The following TTN variants were observed in gnomAD, a reference collection of about 807,000 sequenced individuals.
TTN encodes the protein connectin.
In TTN, 1,525 loss-of-function variants were observed where a neutral mutation model predicts 3,223.0. The ratio of observed to expected loss-of-function variants is 0.47; its 90% CI spans 0.45 to 0.49. The LOEUF (loss-of-function observed/expected upper bound fraction) is 0.49, where lower values mean the gene tolerates loss of function less well. Among genes scored for constraint, TTN ranks in the 20% least tolerant of loss-of-function variants. TTN has a pLI of 0.00. For missense variants in TTN, 40,786 were observed against 43,424.0 expected, an observed-to-expected ratio of 0.94 and a Z score of 5.40; for synonymous variants, 14,094 against 15,161.0, an observed-to-expected ratio of 0.93 and a Z score of 5.17.
chr2:178,534,221 A>T lies in TTN; in HGVS notation c.102394T>A (p.Ser34132Thr), dbSNP rs876658098. The T allele has an allele frequency of 1.9e-6, 3 of 1,613,968 alleles. No homozygotes were observed. Among genetic ancestry groups the T allele is most frequent in the Non-Finnish European group, 2.5e-6 (3 of 1,179,862 alleles). Residue 34132 changes from serine (S) to threonine (T), a missense_variant, in exon 358 of 363, where the codon TCC (serine) becomes ACC (threonine). Transcript: ENST00000589042. Reference sequence around the variant, plus strand: ...CCAGAAACTGGGCCAATTTCAATGGATGCCACTTTAACTTTAGCAACACTC... The same window carrying T: ...CCAGAAACTGGGCCAATTTCAATGGTTGCCACTTTAACTTTAGCAACACTC... ...GVSVAKVKVA[S>T]IEIGPVSGQI...
chr2:178,701,097 T>C (rs2074888894), intron 111 of TTN, 23 bp downstream of exon 111: 1 of 1,606,674 alleles, frequency 6.2e-7, no homozygotes, highest in Non-Finnish European at 8.5e-7. Context: ...TATTTCGACA[T>C]CTAGGTAGAT....
rs181740561 is a variant in TTN, at chr2:178,648,692, G to A, written c.40057+556C>T. On this transcript the variant is annotated intron_variant, in intron 213 of 362. Transcript: ENST00000589042. Reference sequence around the variant, plus strand: ...CCCCAAGTGTTGGGATGACAGGCGTGAGCCACCACATCCGGCCTTATTTCC... The same window carrying A: ...CCCCAAGTGTTGGGATGACAGGCGTAAGCCACCACATCCGGCCTTATTTCC... Among the ~76,000 whole-genome samples the A allele has an allele frequency of 3.9e-5, 6 of 152,240 alleles. 1 individual carries two copies. The South Asian group carries it at 1.2e-3, about 32-fold the overall frequency.
At chr2:178,621,438 G>A in intron 245 of TTN, 37 bp downstream of exon 245, 1 of 1,607,226 alleles carries the variant, frequency 6.2e-7, no homozygotes, top group Admixed American at 1.7e-5. Flanking sequence ...AGTGTGAATT[G>A]TTAGAAATAA....
intron 17 of TTN, 51 bp from the exon 18 acceptor site, chr2:178,783,115 C>T: frequency 1.3e-6 from 2 of 1,597,288 alleles, no homozygotes; most frequent in Non-Finnish European, 1.7e-6. Context: ...ATTCATTAAT[C>T]ACTTCTGTTT....
chr2:178,723,010 A>C (rs2078684086), intron 75 of TTN, 36 bp downstream of exon 75: 1 of 1,604,222 alleles, frequency 6.2e-7, no homozygotes, highest in Non-Finnish European at 8.5e-7. Flanking sequence ...ATGTTAGAAG[A>C]ATGCAAATGA....
chr2:178,740,619 A>C lies in TTN; in HGVS notation c.12614T>G (p.Leu4205Ter). 6.2e-7 allele frequency: 1 copy of C among 1,613,890 alleles called. No individual in the cohort carries two copies. The highest frequency in any genetic ancestry group is 8.5e-7 in the Non-Finnish European group (1 of 1,179,822). ...NSLTVEPLKT[L>*]LAEPEGNYPQ... ...ATAATTCCCTTCAGGTTCAGCTAAT[A>C]AAGTTTTCAGAGGCTCAACTGTTAA... Residue 4205 changes from leucine (L) to a stop codon, truncating the protein, a stop_gained, in exon 48 of 363, where the codon TTA (leucine) becomes TGA (stop). Transcript: ENST00000589042. LOFTEE classifies it high-confidence loss of function.
Position 178,583,681 on chromosome 2 carries a change from G to C in TTN, c.65501C>G (p.Ala21834Gly). The C allele has an allele frequency of 6.2e-7, 1 of 1,612,380 alleles. No homozygotes were observed. Among genetic ancestry groups the C allele is most frequent in the Non-Finnish European group, 8.5e-7 (1 of 1,179,206 alleles). ...LEEKAQYQFRAIARTAVNISP... is the reference protein window; with the variant it reads ...LEEKAQYQFRGIARTAVNISP... Reference sequence around the variant, plus strand: ...AATGTTTACCGCGGTCCTGGCAATAGCTCTAAATTGATACTGAGCTTTCTC... The same window carrying C: ...AATGTTTACCGCGGTCCTGGCAATACCTCTAAATTGATACTGAGCTTTCTC... The change falls in exon 312 of 363, where the codon GCT (alanine) becomes GGT (glycine). Residue 21834 changes from alanine (A) to glycine (G), a missense_variant. Ala to Gly is a moderately conservative substitution (Grantham distance 60). Transcript: ENST00000589042.
At chr2:178,635,907 T>G in intron 226 of TTN, 56 bp downstream of exon 226, 1 of 1,535,724 alleles carries the variant, frequency 6.5e-7, no homozygotes, top group South Asian at 1.3e-5. Flanking sequence ...AGGTCCTTTC[T>G]TCCATTTTCT....
chr2:178,604,241 A>T lies in TTN; in HGVS notation c.54446T>A (p.Ile18149Asn). ...FRVRAVNKYG[I>N]SDECKSDKVV... is the part of the protein sequence containing the mutation. ...TTTATCTGATTTGCACTCATCACTG[A>T]TTCCATATTTATTCACTGCCCTGAC... Residue 18149 changes from isoleucine (I) to asparagine (N), a missense_variant, in exon 282 of 363, where the codon ATC becomes AAC. Physicochemically the swap from Ile to Asn is moderately radical, Grantham distance 149 (BLOSUM62 -3). Transcript: ENST00000589042. 6.3e-7 allele frequency: 1 copy of T among 1,588,838 alleles called. No individual in the cohort carries two copies. Among genetic ancestry groups the T allele is most frequent in the South Asian group, 1.1e-5 (1 of 87,036 alleles).
chr2:178,724,209 A>G, intron 72 of TTN, 51 bp downstream of exon 72: 1 of 1,583,470 alleles, frequency 6.3e-7, no homozygotes, highest in Admixed American at 1.8e-5. Flanking sequence ...AAAGAAGGAA[A>G]CTTGTAAAAG....
At position 178,587,332 on chromosome 2, in the gene TTN, G is replaced by C; in HGVS notation, c.63879C>G (p.Asp21293Glu). 1 of 1,612,642 alleles carries C rather than the reference G, an allele frequency of 6.2e-7. No homozygotes were observed. The change falls in exon 307 of 363, where the codon GAC becomes GAG. Residue 21293 changes from aspartate to glutamate, a missense_variant. By Grantham distance (45) the Asp-to-Glu change is conservative (BLOSUM62 2). Coordinates refer to ENST00000589042, the MANE Select transcript of TTN (RefSeq NM_001267550.2). ...CHVSWAPPEN[D>E]GGSQVTHYIV... ...TATAATGTGTCACTTGGCTCCCACCGTCGTTTTCAGGAGGGGCCCAGGACA... is the reference window on the plus strand; with the variant it reads ...TATAATGTGTCACTTGGCTCCCACCCTCGTTTTCAGGAGGGGCCCAGGACA...
intron 314 of TTN, 38 bp downstream of exon 314, chr2:178,582,258 A>T (rs1239876326): frequency 6.3e-7 from 1 of 1,576,036 alleles, no homozygotes; most frequent in South Asian, 1.2e-5. Flanking sequence ...AGATAATTTT[A>T]AAAAATAAAA....
Position 178,731,058 on chromosome 2 carries a change from A to C in TTN, c.17607T>G (p.Tyr5869Ter). The C allele has an allele frequency of 6.2e-7, 1 of 1,613,660 alleles. No homozygotes were observed. Among genetic ancestry groups the C allele is most frequent in the Non-Finnish European group, 8.5e-7 (1 of 1,179,708 alleles). ...AGACTGTATCAGTGACACTGATTTT[A>C]TATTTTGAGCCCAGGGTCAGTTCTT... The part of the protein sequence containing the change: ...DGQELTLGSK[Y>*]KISVTDTVSI... The change falls in exon 60 of 363, where the codon TAT becomes TAG. Residue 5869 changes from tyrosine (Y) to a stop codon, truncating the protein, a stop_gained. Transcript: ENST00000589042. LOFTEE classifies it high-confidence loss of function.
At chr2:178,793,596 A>G in intron 8 of TTN, 55 bp from the exon 9 acceptor site, 1 of 1,607,230 alleles carries the variant, frequency 6.2e-7, no homozygotes, top group African/African-American at 1.3e-5. Flanking sequence ...CATAAAAATT[A>G]GTTCAAGACC....
Position 178,539,497 on chromosome 2 carries a change from C to A in TTN, c.98568G>T (p.Val32856=). The change falls in exon 352 of 363, where the codon GTG becomes GTT. Residue 32856 remains valine, a synonymous_variant. Coordinates refer to ENST00000589042, the MANE Select transcript of TTN (RefSeq NM_001267550.2). The part of the protein sequence containing the change: ...IDSRVRGTSL[V]VKGLKENVEY... The stretch of plus-strand genomic sequence containing the variant: ...CTACATTCTCTTTGAGGCCTTTTAC[C>A]ACCAGAGATGTACCTCGGACTCTGG... The A allele has an allele frequency of 6.2e-7, 1 of 1,613,742 alleles. No homozygotes were observed. The highest frequency in any genetic ancestry group is 2.2e-5 in the East Asian group (1 of 44,866).
In TTN at chr2:178,672,208, CT is replaced by C; in HGVS notation, c.34989del (p.Glu11664LysfsTer3). On this transcript the variant is annotated frameshift_variant, in exon 155 of 363. Coordinates refer to ENST00000589042, the MANE Select transcript of TTN (RefSeq NM_001267550.2). LOFTEE classifies it high-confidence loss of function. The stretch of plus-strand genomic sequence containing the variant: ...TCTACTACTTCTAATTCTAGTCTTT[CT>C]TTTACTACTACTTCTTGGCGGAAGG... Reference protein sequence around the residue: ...SVAFRQEVVVKERLELEVVEA... With the variant: ...SVAFRQEVVVXERLELEVVEA... The C allele has an allele frequency of 6.4e-7, 1 of 1,566,588 alleles. No individual in the cohort carries two copies. Among genetic ancestry groups the C allele is most frequent in the Non-Finnish European group, 8.7e-7 (1 of 1,154,442 alleles).
Position 178,718,410 on chromosome 2 carries a change from C to T in TTN, c.24696G>A (p.Glu8232=), listed in dbSNP as rs2077824078. 1.9e-6 allele frequency: 3 copies of T among 1,613,626 alleles called. No homozygotes were observed. Among genetic ancestry groups the T allele is most frequent in the Non-Finnish European group, 2.5e-6 (3 of 1,179,750 alleles). Residue 8232 remains glutamate (E), a synonymous_variant, in exon 85 of 363, where the codon GAG becomes GAA. Transcript: ENST00000589042. ...ACTGTGCATAATCCTCTATTGTGCT[C>T]TCAAGAATTTCCAGTATGGTAGATT... ...TEKSTILEIL[E]STIEDYAQYS...
rs2069920810 is a variant in TTN at position 178,683,226 on chromosome 2, G to T, written c.32872C>A (p.Pro10958Thr). The T allele has an allele frequency of 6.4e-7, 1 of 1,551,612 alleles. No homozygotes were observed. The highest frequency in any genetic ancestry group is 8.7e-7 in the Non-Finnish European group (1 of 1,145,188). ...KVSIEAPKRE[P>T]QPIKEVTIME... is the part of the protein sequence containing the mutation. ...TTCAATATACCTTTGATGGGTTGAG[G>T]TTCTCTTTTTGGAGCTTCAATTGAT... The change falls in exon 134 of 363, where the codon CCT (proline) becomes ACT (threonine). Residue 10958 changes from proline to threonine, a missense_variant. Transcript: ENST00000589042.
In TTN at chr2:178,682,809, T is replaced by G. The variant is rs747693319; in HGVS notation, c.32982A>C (p.Glu10994Asp). Reference protein sequence around the residue: ...QREEEYEEYEEYDYKEFEEYE... With the variant: ...QREEEYEEYEDYDYKEFEEYE... ...ACTCCTCAAATTCTTTATAATCATA[T>G]TCTTCATATTCCTCATATTCTTCTT... The change falls in exon 135 of 363, where the codon GAA becomes GAC. Residue 10994 changes from glutamate (E) to aspartate (D), a missense_variant. Coordinates refer to ENST00000589042, the MANE Select transcript of TTN (RefSeq NM_001267550.2). 1 of 1,612,440 alleles carries G rather than the reference T, an allele frequency of 6.2e-7. No homozygotes were observed. Among genetic ancestry groups the G allele is most frequent in the East Asian group, 2.2e-5 (1 of 44,832 alleles).
Sources: allele counts gnomAD v4.1 joint callset (sites outside exome capture counted in the v4.1 genomes callset), GRCh38; gene constraint gnomAD v4.1.1; transcripts MANE v1.5; gene names NCBI Gene and HGNC (gene_info 2026-07-23, HGNC 2026-07-21).